Variants in LNP1 observed in about 807,000 individuals in gnomAD.
LNP1 encodes leukemia NUP98 fusion partner 1.
LNP1 carries 12 observed loss-of-function variants against 14.5 expected under a neutral mutation model. The ratio of observed to expected loss-of-function variants is 0.83; its 90% CI spans 0.53 to 1.34. The LOEUF is 1.34. LNP1 is among the 40% of genes most tolerant of loss of function. The pLI is 0.00. For synonymous variants in LNP1, 75 were observed against 71.4 expected, an observed-to-expected ratio of 1.05 and a Z score of -0.26; for missense variants, 198 against 210.9, an observed-to-expected ratio of 0.94 and a Z score of 0.38.
chr3:100,447,052 G>A (rs1398497502), intron 2 of LNP1, among the ~76,000 whole-genome samples: 1 of 152,146 alleles, frequency 6.6e-6, no homozygotes, highest in Non-Finnish European at 1.5e-5. Flanking sequence ...AATTCCTCAA[G>A]GATCTAGAAC....
chr3:100,403,135 A>C (rs2148897300), intron 1 of LNP1, among the ~76,000 whole-genome samples: 1 of 152,322 alleles, frequency 6.6e-6, no homozygotes, highest in South Asian at 2.1e-4. Flanking sequence ...GATCTGATGC[A>C]TGTTTTTCTA....
intron 3 of LNP1, 22 bp from the exon 4 acceptor site, chr3:100,455,755 G>C: frequency 1.2e-6 from 2 of 1,612,986 alleles, no homozygotes. Context: ...ATTTTTACCT[G>C]TTTCTGATCT....
chr3:100,406,056 C>T (rs1201620289), intron 1 of LNP1, among the ~76,000 whole-genome samples: 3 of 152,120 alleles, frequency 2.0e-5, no homozygotes, highest in South Asian at 2.1e-4. Context: ...GAGGCCGAAG[C>T]GGGTGGATCA....
At chr3:100,420,485 T>A (rs553591736) in intron 1 of LNP1, among the ~76,000 whole-genome samples, 4 of 151,734 alleles carry the variant, frequency 2.6e-5, no homozygotes, top group East Asian at 1.9e-4. Flanking sequence ...CTAGTTTTTT[T>A]AAAAAAAATT....
intron 2 of LNP1, among the ~76,000 whole-genome samples, chr3:100,445,656 C>G (rs1412154003): frequency 1.3e-5 from 2 of 152,128 alleles, no homozygotes; most frequent in African/African-American, 4.8e-5. Flanking sequence ...ACAACTGGAT[C>G]ATATCAAAGT....
intron 3 of LNP1, among the ~76,000 whole-genome samples, chr3:100,454,830 C>T (rs1164858825): frequency 2.6e-5 from 4 of 152,240 alleles, no homozygotes; most frequent in African/African-American, 4.8e-5. Context: ...ACTAACACGG[C>T]TGAGCAAGCA....
At chr3:100,405,522 T>C (rs1160745176) in intron 1 of LNP1, among the ~76,000 whole-genome samples, 2 of 152,196 alleles carry the variant, frequency 1.3e-5, no homozygotes, top group Non-Finnish European at 2.9e-5. Flanking sequence ...GGTCAAATTC[T>C]GTAAGAGCCC....
intron 2 of LNP1, among the ~76,000 whole-genome samples, chr3:100,444,009 A>G (rs1707366927): frequency 6.6e-6 from 1 of 152,210 alleles, no homozygotes; most frequent in Admixed American, 6.5e-5. Context: ...TTAGGCAAAA[A>G]GTTAAAAAGA....
chr3:100,429,845 T>C lies in LNP1; in HGVS notation c.116T>C (p.Leu39Pro), dbSNP rs1309048754. 2 of 1,613,876 alleles carry C rather than the reference T, an allele frequency of 1.2e-6. No homozygotes were observed. The highest frequency in any genetic ancestry group is 2.2e-5 in the South Asian group (2 of 91,064). ...DQRGLRERHR[L>P]QATSHRKTSL... ...AGAGGACTCCGGGAACGCCACCGAC[T>C]GCAAGCCACCAGTCACAGGAAAACC... is the stretch of plus-strand genomic sequence containing the variant. The change falls in exon 2 of 4, where the codon CTG becomes CCG. Residue 39 changes from leucine to proline, a missense_variant. Transcript: ENST00000383693.
chr3:100,436,991 C>G (rs1707299684), intron 2 of LNP1, among the ~76,000 whole-genome samples: 1 of 152,164 alleles, frequency 6.6e-6, no homozygotes, highest in Non-Finnish European at 1.5e-5. Context: ...GAGCCCTCAC[C>G]AGGAACTGAA....
chr3:100,434,998 G>C (rs893445362), intron 2 of LNP1, among the ~76,000 whole-genome samples: 1 of 152,104 alleles, frequency 6.6e-6, no homozygotes, highest in African/African-American at 2.4e-5. Context: ...AGGGCAGGTG[G>C]GGCATGGCCC....
Position 100,441,701 on chromosome 3 carries a change from T to C in LNP1, c.157-10018T>C, listed in dbSNP as rs187356913. 8.5e-4 allele frequency among the ~76,000 whole-genome samples: 130 copies of C among 152,118 alleles called. 1 individual carries two copies. The highest frequency in any genetic ancestry group is 6.8e-3 in the Middle Eastern group (2 of 294). Reference sequence around the variant, plus strand: ...TTTTGGAGATGGAGTCTCACTCTGTTGCCCAGGCTGGAGCGCAGTGGTGCA... The same window carrying C: ...TTTTGGAGATGGAGTCTCACTCTGTCGCCCAGGCTGGAGCGCAGTGGTGCA... On this transcript the variant is annotated intron_variant, in intron 2 of 3. Coordinates refer to ENST00000383693, the MANE Select transcript of LNP1 (RefSeq NM_001085451.2).
intron 1 of LNP1, among the ~76,000 whole-genome samples, chr3:100,407,418 C>G (rs1178852552): frequency 6.6e-6 from 1 of 152,142 alleles, no homozygotes; most frequent in Non-Finnish European, 1.5e-5. Flanking sequence ...TCATACCACT[C>G]TTCCCTGGCC....
chr3:100,412,201 C>T (rs1018653019), intron 1 of LNP1, among the ~76,000 whole-genome samples: 8 of 152,174 alleles, frequency 5.3e-5, no homozygotes, highest in African/African-American at 7.2e-5. Flanking sequence ...ACAGACCAAA[C>T]GAGAAACCTT....
chr3:100,454,966 CAGA>C (rs1345415096), intron 3 of LNP1, among the ~76,000 whole-genome samples: 1 of 152,090 alleles, frequency 6.6e-6, no homozygotes, highest in Non-Finnish European at 1.5e-5. Flanking sequence ...TTTTTTAAAA[CAGA>C]AGGATAAATA....
chr3:100,409,157 G>C (rs1328263533), intron 1 of LNP1, among the ~76,000 whole-genome samples: 1 of 152,054 alleles, frequency 6.6e-6, no homozygotes, highest in Non-Finnish European at 1.5e-5. Flanking sequence ...TTGACCCACT[G>C]ATGAATAAGA....
chr3:100,409,365 C>A (rs1707004169), intron 1 of LNP1, among the ~76,000 whole-genome samples: 1 of 151,802 alleles, frequency 6.6e-6, no homozygotes, highest in Admixed American at 6.6e-5. Context: ...AATAAATAGG[C>A]TGGGCACGGT....
At position 100,445,167 on chromosome 3, in the gene LNP1, G is replaced by T. The variant is rs114426348; in HGVS notation, c.157-6552G>T. Among the ~76,000 whole-genome samples, 405 of 152,294 alleles carry T rather than the reference G, an allele frequency of 2.7e-3. 1 individual carries two copies. The highest frequency in any genetic ancestry group is 8.9e-3 in the African/African-American group (368 of 41,576). The stretch of plus-strand genomic sequence containing the variant: ...GGCACCAGTCATCTCAGCTACTTGG[G>T]AAACTGAGGCAGGAGAATTGCTTGA... On this transcript the variant is annotated intron_variant, in intron 2 of 3. Transcript: ENST00000383693.
chr3:100,434,636 C>T (rs1348575526), intron 2 of LNP1, among the ~76,000 whole-genome samples: 1 of 151,586 alleles, frequency 6.6e-6, no homozygotes, highest in Admixed American at 6.6e-5. Context: ...TCGAGGAATG[C>T]TCCTGCCTCA....
Sources: gnomAD v4.1 joint callset for allele counts (sites outside exome capture counted in the v4.1 genomes callset) on GRCh38, gnomAD v4.1.1 for gene constraint, MANE v1.5 for transcripts, NCBI Gene and HGNC (gene_info 2026-07-23, HGNC 2026-07-21) for gene names.